PLXNA2: variants seen among roughly 807,000 people sequenced by gnomAD.
The protein encoded by PLXNA2 is plexin-A2.
PLXNA2 carries 91 observed loss-of-function variants against 193.5 expected under a neutral mutation model. The ratio of observed to expected loss-of-function variants is 0.47; its 90% CI spans 0.40 to 0.56. PLXNA2 has a LOEUF of 0.56. Among genes scored for constraint, PLXNA2 ranks in the 20% least tolerant of loss-of-function variants. The pLI is 0.00. For synonymous variants in PLXNA2, 997 were observed against 1,027.3 expected, an observed-to-expected ratio of 0.97 and a Z score of 0.56; for missense variants, 1,995 against 2,503.2, an observed-to-expected ratio of 0.80 and a Z score of 4.33.
chr1:208,110,202 C>G (rs1438765718), intron 4 of PLXNA2, among the ~76,000 whole-genome samples: 2 of 152,246 alleles, frequency 1.3e-5, no homozygotes, highest in Non-Finnish European at 2.9e-5. Flanking sequence ...GGCCCCCTCC[C>G]TCCTGACATG....
At chr1:208,218,192 C>T in intron 1 of PLXNA2, 190 bp from the exon 2 acceptor site, 4 of 585,038 alleles carry the variant, frequency 6.8e-6, no homozygotes, top group South Asian at 4.3e-5. Context: ...CTATTTTGGT[C>T]TCTAGCCTTT....
chr1:208,169,957 G>A (rs1558226966), intron 3 of PLXNA2, among the ~76,000 whole-genome samples: 1 of 152,116 alleles, frequency 6.6e-6, no homozygotes, highest in Non-Finnish European at 1.5e-5. Flanking sequence ...TCTAGTCACT[G>A]ACAACCACAG....
rs1411929683 is a variant in PLXNA2, at chr1:208,084,452, G to C, written c.2226C>G (p.Asn742Lys). The C allele has an allele frequency of 6.2e-7, 1 of 1,614,272 alleles. No individual in the cohort carries two copies. The highest frequency in any genetic ancestry group is 1.7e-5 in the Admixed American group (1 of 60,036). Residue 742 changes from asparagine (N) to lysine (K), a missense_variant, in exon 10 of 32, where the codon AAC becomes AAG. By Grantham distance (94) the Asn-to-Lys change is moderately conservative. Transcript: ENST00000367033. The part of the protein sequence containing the change: ...SGQRGYECVL[N>K]IQGAIHRVPA... Reference sequence around the variant, plus strand: ...GGACCCGGTGGATGGCTCCTTGTATGTTGAGGACACACTCATAGCCTCGCT... The same window carrying C: ...GGACCCGGTGGATGGCTCCTTGTATCTTGAGGACACACTCATAGCCTCGCT...
intron 3 of PLXNA2, among the ~76,000 whole-genome samples, chr1:208,166,437 A>G (rs1267577640): frequency 6.6e-6 from 1 of 152,242 alleles, no homozygotes; most frequent in Non-Finnish European, 1.5e-5. Flanking sequence ...TGAAGATCCA[A>G]TAAGGAAGGC....
intron 3 of PLXNA2, among the ~76,000 whole-genome samples, chr1:208,170,032 A>T (rs1669440778): frequency 6.6e-6 from 1 of 152,060 alleles, no homozygotes; most frequent in Admixed American, 6.5e-5. Flanking sequence ...CTCATTAGAT[A>T]TTCACCACCT....
chr1:208,104,617 C>T (rs924222143), intron 4 of PLXNA2, among the ~76,000 whole-genome samples: 33 of 152,108 alleles, frequency 2.2e-4, no homozygotes, highest in African/African-American at 7.5e-4. Flanking sequence ...TTGTGATGAG[C>T]GAAAGCGATC....
At chr1:208,114,217 T>C (rs931721225) in intron 4 of PLXNA2, among the ~76,000 whole-genome samples, 2 of 152,250 alleles carry the variant, frequency 1.3e-5, no homozygotes, top group African/African-American at 4.8e-5. Context: ...TGCTCTGCTG[T>C]TGGCATTTGT....
chr1:208,188,492 T>C (rs2120977), intron 3 of PLXNA2, among the ~76,000 whole-genome samples: 43,510 of 152,052 alleles, frequency 0.29, 8,076 homozygotes, highest in Middle Eastern at 0.44. Flanking sequence ...GAGGATCACC[T>C]GAGGTCAGGA....
At chr1:208,149,864 C>T (rs141478240) in intron 3 of PLXNA2, among the ~76,000 whole-genome samples, 7 of 152,274 alleles carry the variant, frequency 4.6e-5, no homozygotes, top group East Asian at 3.9e-4. Flanking sequence ...CACACTCTCT[C>T]ACATACGCAT....
chr1:208,182,991 C>T (rs1669892082), intron 3 of PLXNA2, among the ~76,000 whole-genome samples: 1 of 152,226 alleles, frequency 6.6e-6, no homozygotes, highest in Non-Finnish European at 1.5e-5. Context: ...CTTTTCCTCT[C>T]TCTTCCTCCT....
chr1:208,037,805 A>G (rs2102310834), intron 26 of PLXNA2, among the ~76,000 whole-genome samples: 1 of 151,666 alleles, frequency 6.6e-6, no homozygotes, highest in Non-Finnish European at 1.5e-5. Context: ...TCTTGAATCT[A>G]TTCTATACAA....
rs1558149856 is a variant in PLXNA2 at position 208,023,053 on chromosome 1, T to C, written c.*4190A>G. On this transcript the variant is annotated 3_prime_UTR_variant, in exon 32 of 32. Transcript: ENST00000367033. ...AAACTAGGGAAGAGAGACTGAGTTATGGAAAGGATGCTACCATTTTTCTCA... is the reference window on the plus strand; with the variant it reads ...AAACTAGGGAAGAGAGACTGAGTTACGGAAAGGATGCTACCATTTTTCTCA... The C allele has an allele frequency of 6.6e-6, 1 of 152,324 alleles. No homozygotes were observed. Among genetic ancestry groups the C allele is most frequent in the East Asian group, 1.9e-4 (1 of 5,176 alleles). 9.4% of individuals were successfully genotyped at this position (152,324 alleles called of 1,614,324 possible).
At chr1:208,053,881 G>A (rs979747811) in intron 14 of PLXNA2, among the ~76,000 whole-genome samples, 1 of 152,202 alleles carries the variant, frequency 6.6e-6, no homozygotes, top group Non-Finnish European at 1.5e-5. Context: ...GAATGTGTGC[G>A]TGTAACCACA....
chr1:208,136,429 C>T (rs1318944942), intron 4 of PLXNA2, among the ~76,000 whole-genome samples: 2 of 152,146 alleles, frequency 1.3e-5, no homozygotes, highest in East Asian at 1.9e-4. Flanking sequence ...TCACAATGAG[C>T]GTGAGACTTT....
chr1:208,122,433 C>T (rs1363694107), intron 4 of PLXNA2, among the ~76,000 whole-genome samples: 4 of 152,116 alleles, frequency 2.6e-5, no homozygotes, highest in Non-Finnish European at 2.9e-5. Context: ...TCCATAAAAA[C>T]GTCTTAATCT....
rs772843861 is a variant in PLXNA2, at chr1:208,042,209, G to A, written c.4175C>T (p.Thr1392Ile). 2.8e-5 allele frequency: 45 copies of A among 1,614,124 alleles called. No individual in the cohort carries two copies. Among genetic ancestry groups the A allele is most frequent in the South Asian group, 6.6e-5 (6 of 91,088 alleles). The change falls in exon 22 of 32, where the codon ACC (threonine) becomes ATC (isoleucine). Residue 1392 changes from threonine (T) to isoleucine (I), a missense_variant. Coordinates refer to ENST00000367033, the MANE Select transcript of PLXNA2 (RefSeq NM_025179.4). ...ATATTCCAGGCGGCCCTGCAGGCCG[G>A]TCATGATGAGCGAAGCCACGTTGCC... ...DRGNVASLIM[T>I]GLQGRLEYAT...
chr1:208,186,855 G>A (rs938542021), intron 3 of PLXNA2, among the ~76,000 whole-genome samples: 1 of 151,210 alleles, frequency 6.6e-6, no homozygotes, highest in Admixed American at 6.6e-5. Flanking sequence ...GAGTAGCTGG[G>A]ACTACAGGCG....
chr1:208,103,316 T>G, intron 4 of PLXNA2, 69 bp from the exon 5 acceptor site: 8 of 1,216,168 alleles, frequency 6.6e-6, no homozygotes, highest in Non-Finnish European at 8.3e-6. Flanking sequence ...TGTCACACAG[T>G]CCTGTGTGTA....
chr1:208,198,706 C>T (rs1670439983), intron 3 of PLXNA2, among the ~76,000 whole-genome samples: 1 of 152,220 alleles, frequency 6.6e-6, no homozygotes, highest in African/African-American at 2.4e-5. Flanking sequence ...TTCCCCTCTT[C>T]TCTCGTGCAT....
Sources: gnomAD v4.1 joint callset for allele counts (sites outside exome capture counted in the v4.1 genomes callset) on GRCh38, gnomAD v4.1.1 for gene constraint, MANE v1.5 for transcripts, NCBI Gene and HGNC (gene_info 2026-07-23, HGNC 2026-07-21) for gene names.